The following FANCD2OS variants were observed in gnomAD, a reference collection of about 807,000 sequenced individuals.
FANCD2OS encodes FANCD2 opposite strand protein.
In FANCD2OS, 11 loss-of-function variants were observed where a neutral mutation model predicts 13.2. That is an observed-to-expected ratio of 0.83 (90% CI 0.52 to 1.38). The LOEUF is 1.38. FANCD2OS is among the 40% of genes most tolerant of loss of function. FANCD2OS has a pLI of 0.00. For synonymous variants in FANCD2OS, 69 were observed against 84.5 expected (o/e 0.82, Z 1.01); for missense variants, 217 against 213.9 (o/e 1.01, Z -0.09).
At position 10,090,864 on chromosome 3, in the gene FANCD2OS, TC is replaced by T. The variant is rs538353154; in HGVS notation, c.*44-9334del. On this transcript the variant is annotated intron_variant, in intron 2 of 2. Coordinates refer to the FANCD2OS transcript ENST00000524279. ...GATTCAGGATTTTTTTTCAAAGAGT[TC>T]CTAGTTTAATTTCCTTTCCCTCTAG... Among the ~76,000 whole-genome samples, 732 of 152,076 alleles carry T rather than the reference TC, an allele frequency of 4.8e-3. 3 individuals carry two copies. The highest frequency in any genetic ancestry group is 8.3e-3 in the Non-Finnish European group (567 of 67,990).
intron 1 of FANCD2OS, among the ~76,000 whole-genome samples, chr3:10,106,496 C>G (rs992633820): frequency 5.9e-5 from 9 of 152,160 alleles, no homozygotes; most frequent in Admixed American, 5.9e-4. Flanking sequence ...GTGTATTTCT[C>G]TGCCCCTTCT....
chr3:10,092,364 C>G, intron 2 of FANCD2OS: 1 of 845,968 alleles, frequency 1.2e-6, no homozygotes. Flanking sequence ...TTGGGGCCTG[C>G]TCTCCCTGAG....
intron 1 of FANCD2OS, among the ~76,000 whole-genome samples, chr3:10,106,721 C>G (rs1695503984): frequency 6.6e-6 from 1 of 152,088 alleles, no homozygotes; most frequent in Non-Finnish European, 1.5e-5. Context: ...CAAGACCAGC[C>G]TGGCCAACAG....
intron 2 of FANCD2OS, chr3:10,096,199 A>G (rs1050220670): frequency 1.1e-6 from 1 of 938,298 alleles, no homozygotes; most frequent in Non-Finnish European, 1.7e-6. Context: ...TTCCTGTTTG[A>G]TGGAACATAC....
At chr3:10,090,735 G>C (rs55716118) in intron 2 of FANCD2OS, among the ~76,000 whole-genome samples, 1 of 152,230 alleles carries the variant, frequency 6.6e-6, no homozygotes, top group South Asian at 2.1e-4. Flanking sequence ...TGAGATTACA[G>C]ACGTGCGCCA....
chr3:10,087,032 C>T (rs1160580328), intron 2 of FANCD2OS: 10 of 1,259,786 alleles, frequency 7.9e-6, no homozygotes, highest in South Asian at 3.6e-5. Flanking sequence ...CTGATTAGGC[C>T]GTCAAACACT....
At chr3:10,092,373 AG>A in intron 2 of FANCD2OS, 2 of 809,598 alleles carry the variant, frequency 2.5e-6, no homozygotes, top group Non-Finnish European at 4.3e-6. Context: ...GCTCTCCCTG[AG>A]TCGTCTTCTT....
intron 2 of FANCD2OS, among the ~76,000 whole-genome samples, chr3:10,089,397 A>G (rs1175474563): frequency 1.3e-5 from 2 of 152,206 alleles, no homozygotes; most frequent in African/African-American, 2.4e-5. Context: ...CATTCATTCA[A>G]TAAAGAGAGT....
intron 2 of FANCD2OS, chr3:10,087,042 T>C: frequency 7.1e-7 from 1 of 1,411,168 alleles, no homozygotes. Context: ...CGTCAAACAC[T>C]GAAAGGGACT....
chr3:10,105,809 T>C (rs1410757988), intron 1 of FANCD2OS, among the ~76,000 whole-genome samples: 1 of 77,446 alleles, frequency 1.3e-5, no homozygotes, highest in East Asian at 3.3e-4. Flanking sequence ...TATATATATA[T>C]ATATATATAT....
At chr3:10,107,851 C>T (rs1695544261) in intron 1 of FANCD2OS, among the ~76,000 whole-genome samples, 164 bp downstream of exon 1, 1 of 152,080 alleles carries the variant, frequency 6.6e-6, no homozygotes, top group Non-Finnish European at 1.5e-5. Flanking sequence ...TCCCCACCGC[C>T]CAGAAGTCAC....
intron 2 of FANCD2OS, chr3:10,088,800 T>A: frequency 6.2e-7 from 1 of 1,612,780 alleles, no homozygotes; most frequent in Non-Finnish European, 8.5e-7. Context: ...TGTTAATTAG[T>A]GGGTCAAATA....
chr3:10,107,442 C>T lies in FANCD2OS; in HGVS notation c.-9+573G>A, dbSNP rs537734565. On this transcript the variant is annotated intron_variant, in intron 1 of 1. Transcript: ENST00000450660. Reference sequence around the variant, plus strand: ...CTGGGACTACAGGCGCCTGCCACCACGCCCGGCTAATTTTTTTGTATTTTC... The same window carrying T: ...CTGGGACTACAGGCGCCTGCCACCATGCCCGGCTAATTTTTTTGTATTTTC... 1.4e-4 allele frequency among the ~76,000 whole-genome samples: 22 copies of T among 152,052 alleles called. No homozygotes were observed. The East Asian group carries it at 4.3e-3, about 30-fold the overall frequency.
chr3:10,098,347 C>T (rs571241821), downstream of FANCD2OS, among the ~76,000 whole-genome samples: 32 of 152,268 alleles, frequency 2.1e-4, no homozygotes, highest in Admixed American at 1.8e-3. Context: ...TGTCCTTTAG[C>T]CTCCGCATGG....
intron 1 of FANCD2OS, among the ~76,000 whole-genome samples, chr3:10,106,155 A>G (rs1424867775): frequency 6.6e-6 from 1 of 152,054 alleles, no homozygotes; most frequent in Non-Finnish European, 1.5e-5. Flanking sequence ...GGGAGAAAAC[A>G]CTTCCAAAGT....
At chr3:10,090,400 A>G in intron 2 of FANCD2OS, 1 of 1,505,030 alleles carries the variant, frequency 6.6e-7, no homozygotes, top group South Asian at 1.1e-5. Flanking sequence ...GTAAGATAAT[A>G]GTCACTTCAA....
chr3:10,105,761 AAAAAAAAAAATTATATATAT>A (rs1272543539), intron 1 of FANCD2OS, among the ~76,000 whole-genome samples: 20 of 68,864 alleles, frequency 2.9e-4, no homozygotes, highest in African/African-American at 2.7e-3. Flanking sequence ...AAAAAAAAAA[AAAAAAAAAAATTATATATAT>A]ATATATATAT....
At chr3:10,099,311 T>C (rs1391026736), downstream of FANCD2OS, 1 of 1,221,390 alleles carries the variant, frequency 8.2e-7, no homozygotes, top group African/African-American at 1.6e-5. Context: ...CTTTCGACAA[T>C]TTAAAGAAAG....
At chr3:10,092,917 C>A (rs1281862999) in intron 2 of FANCD2OS, among the ~76,000 whole-genome samples, 3 of 151,948 alleles carry the variant, frequency 2.0e-5, no homozygotes, top group Non-Finnish European at 4.4e-5. Context: ...GCCTCGAACT[C>A]CTGGGCTCAA....
Sources: gnomAD v4.1 joint callset for allele counts (sites outside exome capture counted in the v4.1 genomes callset) on GRCh38, gnomAD v4.1.1 for gene constraint, MANE v1.5 for transcripts, NCBI Gene and HGNC (gene_info 2026-07-23, HGNC 2026-07-21) for gene names.